MACROD2: variants seen among roughly 807,000 people sequenced by gnomAD.
MACROD2 encodes the protein mono-ADP ribosylhydrolase 2.
Under a neutral mutation model 70.4 loss-of-function variants are expected in MACROD2, and 36 were observed. The ratio of observed to expected loss-of-function variants is 0.51; its 90% CI spans 0.39 to 0.68. The LOEUF is 0.68. Among genes scored for constraint, MACROD2 ranks in the 30% least tolerant of loss-of-function variants. The pLI, the probability that MACROD2 is intolerant of heterozygous loss-of-function variation, is 0.00. For missense variants in MACROD2, 496 were observed against 538.4 expected (o/e 0.92, Z 0.78); for synonymous variants, 172 against 178.8 (o/e 0.96, Z 0.30).
intron 5 of MACROD2, among the ~76,000 whole-genome samples, chr20:15,167,141 C>CA (rs1281627052): frequency 6.6e-6 from 1 of 151,840 alleles, no homozygotes; most frequent in African/African-American, 2.4e-5. Flanking sequence ...GGTTAAAACA[C>CA]AAAAAATACA....
intron 13 of MACROD2, among the ~76,000 whole-genome samples, chr20:15,985,539 T>C (rs939631387): frequency 1.3e-5 from 2 of 152,232 alleles, no homozygotes; most frequent in African/African-American, 4.8e-5. Flanking sequence ...TGCCAGTTCC[T>C]TCCCAGTGTT....
At position 15,048,463 on chromosome 20, in the gene MACROD2, T is replaced by TAA. The variant is rs34212655; in HGVS notation, c.419-181466_419-181465dup. On this transcript the variant is annotated intron_variant, in intron 5 of 17. Transcript: ENST00000684519. ...TCCTCTCATTCTTTTTACTTTTCTGTAAAAAAAAAAAATGAGTATAGTATC... is the reference window on the plus strand; with the variant it reads ...TCCTCTCATTCTTTTTACTTTTCTGTAAAAAAAAAAAAAATGAGTATAGTATC... 5.5e-3 allele frequency among the ~76,000 whole-genome samples: 800 copies of TAA among 145,780 alleles called. 1 individual carries two copies. The highest frequency in any genetic ancestry group is 8.5e-3 in the Non-Finnish European group (566 of 66,294).
At chr20:14,272,797 A>G (rs1400866217) in intron 3 of MACROD2, among the ~76,000 whole-genome samples, 3 of 152,350 alleles carry the variant, frequency 2.0e-5, no homozygotes, top group Admixed American at 2.0e-4. Context: ...AGGATGGAGG[A>G]AGATCTACCA....
At chr20:14,557,357 A>C (rs571539635) in intron 4 of MACROD2, among the ~76,000 whole-genome samples, 1 of 152,086 alleles carries the variant, frequency 6.6e-6, no homozygotes, top group South Asian at 2.1e-4. Context: ...CTGACAACAA[A>C]AAGAAAGATA....
At chr20:15,512,602 C>T (rs1183979778) in intron 8 of MACROD2, among the ~76,000 whole-genome samples, 1 of 152,098 alleles carries the variant, frequency 6.6e-6, no homozygotes, top group Non-Finnish European at 1.5e-5. Flanking sequence ...ATTAATTCTC[C>T]CTGGACATGA....
chr20:14,667,376 T>G (rs971910245), intron 4 of MACROD2, among the ~76,000 whole-genome samples: 1 of 152,174 alleles, frequency 6.6e-6, no homozygotes, highest in Non-Finnish European at 1.5e-5. Context: ...AAGTATTGCA[T>G]TTAGTCTTGC....
chr20:14,141,446 C>T (rs893500469), intron 3 of MACROD2, among the ~76,000 whole-genome samples: 2 of 152,072 alleles, frequency 1.3e-5, no homozygotes, highest in African/African-American at 2.4e-5. Context: ...TGCATATTTG[C>T]TATAAAGATT....
At chr20:14,950,206 C>T (rs1174734700) in intron 5 of MACROD2, among the ~76,000 whole-genome samples, 3 of 152,148 alleles carry the variant, frequency 2.0e-5, no homozygotes, top group Non-Finnish European at 2.9e-5. Flanking sequence ...GTGTGCCATA[C>T]TGGCTGAGTT....
At chr20:15,713,635 TA>T (rs1445644262) in intron 8 of MACROD2, among the ~76,000 whole-genome samples, 1 of 152,040 alleles carries the variant, frequency 6.6e-6, no homozygotes, top group Non-Finnish European at 1.5e-5. Context: ...AGGATAGTGC[TA>T]AACCACTAGA....
chr20:14,717,874 G>A (rs892796282), intron 5 of MACROD2, among the ~76,000 whole-genome samples: 30 of 152,218 alleles, frequency 2.0e-4, no homozygotes, highest in African/African-American at 7.2e-4. Context: ...GCTAGGGGAG[G>A]AAGGAGGCAG....
chr20:15,891,584 A>G (rs892115234), intron 10 of MACROD2, among the ~76,000 whole-genome samples: 23 of 152,208 alleles, frequency 1.5e-4, no homozygotes, highest in African/African-American at 5.5e-4. Context: ...AAGGTTGAAC[A>G]CAGTAGATGA....
rs113847000 is a variant in MACROD2, at chr20:14,946,199, CA to C, written c.418+261253del. Reference sequence around the variant, plus strand: ...GGGTGACAAGAACAAAACTCTGTCTCAAAAAAAAAAAAATTGTATAAACTGG... The same window carrying C: ...GGGTGACAAGAACAAAACTCTGTCTCAAAAAAAAAAAATTGTATAAACTGG... On this transcript the variant is annotated intron_variant, in intron 5 of 17. Coordinates refer to ENST00000684519, the MANE Select transcript of MACROD2 (RefSeq NM_001351661.2). 4.4e-3 allele frequency among the ~76,000 whole-genome samples: 630 copies of C among 142,962 alleles called. 4 individuals are homozygous for C. The highest frequency in any genetic ancestry group is 0.013 in the African/African-American group (528 of 39,716). 93.8% of individuals were successfully genotyped at this position (142,962 alleles called of 152,430 possible). A position where few individuals can be genotyped will look rare whatever the true frequency, so the allele number is the denominator to read the frequency against.
intron 13 of MACROD2, among the ~76,000 whole-genome samples, chr20:15,975,494 C>T (rs537835436): frequency 1.3e-5 from 2 of 152,192 alleles, no homozygotes; most frequent in Non-Finnish European, 2.9e-5. Flanking sequence ...CCTGAAAGCT[C>T]ACCCATAACG....
chr20:15,259,718 C>A (rs2077231508), intron 6 of MACROD2, among the ~76,000 whole-genome samples: 1 of 152,002 alleles, frequency 6.6e-6, no homozygotes, highest in Non-Finnish European at 1.5e-5. Flanking sequence ...AATTATTCAA[C>A]ATTATTCTGA....
chr20:14,954,204 T>C (rs2074499021), intron 5 of MACROD2, among the ~76,000 whole-genome samples: 1 of 152,016 alleles, frequency 6.6e-6, no homozygotes, highest in South Asian at 2.1e-4. Flanking sequence ...TAAACTATTC[T>C]TCATAATCCC....
intron 5 of MACROD2, chr20:14,850,099 G>GGA (rs770044346): frequency 2.3e-6 from 1 of 440,732 alleles, no homozygotes; most frequent in African/African-American, 2.0e-5. Context: ...AACGTAGGAT[G>GGA]GAGAGCCATA....
chr20:15,224,401 T>A (rs1393426849), intron 5 of MACROD2, among the ~76,000 whole-genome samples: 1 of 151,976 alleles, frequency 6.6e-6, no homozygotes, highest in Non-Finnish European at 1.5e-5. Flanking sequence ...CCATAAGGAG[T>A]CACCTTGAGA....
intron 8 of MACROD2, among the ~76,000 whole-genome samples, chr20:15,627,602 T>A (rs2111044): frequency 0.17 from 25,714 of 151,908 alleles, 2,309 homozygotes; most frequent in African/African-American, 0.23. Flanking sequence ...TGAGCTGACT[T>A]ACTTCTGGGT....
At chr20:15,511,158 C>A (rs542238364) in intron 8 of MACROD2, among the ~76,000 whole-genome samples, 4 of 152,246 alleles carry the variant, frequency 2.6e-5, no homozygotes, top group African/African-American at 9.6e-5. Flanking sequence ...AAGTGATGGC[C>A]AGTGACAGGA....
Sources: gnomAD v4.1 joint callset for allele counts (sites outside exome capture counted in the v4.1 genomes callset) on GRCh38, gnomAD v4.1.1 for gene constraint, MANE v1.5 for transcripts, NCBI Gene and HGNC (gene_info 2026-07-23, HGNC 2026-07-21) for gene names.